The following SPIRE1 variants were observed in gnomAD, a reference collection of about 807,000 sequenced individuals.
The protein encoded by SPIRE1 is protein spire homolog 1.
SPIRE1 carries 40 observed loss-of-function variants against 94.1 expected under a neutral mutation model. The observed-to-expected ratio is 0.43, with a 90% CI of 0.33 to 0.55. SPIRE1 has a LOEUF of 0.55. Among genes scored for constraint, SPIRE1 ranks in the 20% least tolerant of loss-of-function variants. The pLI is 0.06. For synonymous variants in SPIRE1, 376 were observed against 371.7 expected, an observed-to-expected ratio of 1.01 and a Z score of -0.13; for missense variants, 838 against 975.2, an observed-to-expected ratio of 0.86 and a Z score of 1.87.
At chr18:12,573,325 G>C (rs376247825) in intron 2 of SPIRE1, among the ~76,000 whole-genome samples, 4 of 151,550 alleles carry the variant, frequency 2.6e-5, no homozygotes, top group South Asian at 4.2e-4. Context: ...TAAAATACTC[G>C]TAACACCAAA....
At chr18:12,476,535 T>G (rs1251118130) in intron 10 of SPIRE1, among the ~76,000 whole-genome samples, 10 of 80,172 alleles carry the variant, frequency 1.2e-4, no homozygotes, top group South Asian at 9.9e-4. Context: ...AGCGAGACTC[T>G]GTCTCCAAAA....
intron 2 of SPIRE1, among the ~76,000 whole-genome samples, chr18:12,619,419 A>C (rs2037400239): frequency 6.6e-6 from 1 of 152,048 alleles, no homozygotes; most frequent in South Asian, 2.1e-4. Flanking sequence ...GAGGCAGGAG[A>C]ATGGCGTGAA....
intron 2 of SPIRE1, among the ~76,000 whole-genome samples, chr18:12,633,369 G>A (rs1190462140): frequency 6.6e-6 from 1 of 152,130 alleles, no homozygotes; most frequent in Non-Finnish European, 1.5e-5. Flanking sequence ...CTGAGACCGG[G>A]AGTTTGAGAC....
chr18:12,563,206 T>TAA (rs57756554), intron 2 of SPIRE1, among the ~76,000 whole-genome samples: 125 of 146,686 alleles, frequency 8.5e-4, no homozygotes, highest in African/African-American at 2.2e-3. Flanking sequence ...CTATACTCAT[T>TAA]AAAAAAAAAA....
chr18:12,616,657 C>T (rs528304660), intron 2 of SPIRE1, among the ~76,000 whole-genome samples: 8 of 152,260 alleles, frequency 5.3e-5, no homozygotes, highest in East Asian at 3.8e-4. Flanking sequence ...AGTGGTAGTG[C>T]GAAGGCGGAG....
chr18:12,512,462 C>CTGG lies in SPIRE1; in HGVS notation c.798_799insCCA (p.Asn266_Ala267insPro). 6.2e-7 allele frequency: 1 copy of CTGG among 1,609,458 alleles called. No individual in the cohort carries two copies. Among genetic ancestry groups the CTGG allele is most frequent in the Non-Finnish European group, 8.5e-7 (1 of 1,176,290 alleles). On this transcript the variant is annotated inframe_insertion, in exon 5 of 17. Coordinates refer to ENST00000409402, the MANE Select transcript of SPIRE1 (RefSeq NM_001128626.2). The stretch of plus-strand genomic sequence containing the variant: ...GCATTTCCAGCTCTTACCCAGTCAG[C>CTGG]GTTTTTCAGCTCTTCCAAGTCTGTG...
chr18:12,535,621 A>G lies in SPIRE1; in HGVS notation c.604-20T>C, dbSNP rs569982513. 2.6e-5 allele frequency: 41 copies of G among 1,601,948 alleles called. 1 individual carries two copies. The South Asian group carries it at 4.1e-4, about 16-fold the overall frequency. ...ACACAACTATAGAAGGGGAAAATAA[A>G]ATAATGGTGCTTGGTTACTATTTGG... On this transcript the variant is annotated intron_variant, in intron 3 of 16. Coordinates refer to ENST00000409402, the MANE Select transcript of SPIRE1 (RefSeq NM_001128626.2).
chr18:12,519,284 G>A (rs2034290841), intron 4 of SPIRE1, among the ~76,000 whole-genome samples: 1 of 152,050 alleles, frequency 6.6e-6, no homozygotes, highest in Non-Finnish European at 1.5e-5. Context: ...TAGGTTCTAG[G>A]AAAGGAATTC....
At chr18:12,605,386 G>A (rs1332514598) in intron 2 of SPIRE1, among the ~76,000 whole-genome samples, 2 of 152,100 alleles carry the variant, frequency 1.3e-5, no homozygotes, top group Non-Finnish European at 2.9e-5. Context: ...CGCACCTGTA[G>A]TCCCAGCTAC....
chr18:12,642,542 T>C (rs2038114677), intron 1 of SPIRE1, among the ~76,000 whole-genome samples: 1 of 152,228 alleles, frequency 6.6e-6, no homozygotes, highest in African/African-American at 2.4e-5. Context: ...TTTTATGTAA[T>C]CTGGCAACAC....
intron 2 of SPIRE1, among the ~76,000 whole-genome samples, chr18:12,556,308 A>G (rs1189245709): frequency 1.3e-5 from 2 of 152,196 alleles, no homozygotes; most frequent in Admixed American, 6.5e-5. Context: ...GAAAAAAAAA[A>G]TCCTAAAATT....
At chr18:12,603,092 C>T (rs893639480) in intron 2 of SPIRE1, among the ~76,000 whole-genome samples, 4 of 152,164 alleles carry the variant, frequency 2.6e-5, no homozygotes, top group Non-Finnish European at 5.9e-5. Context: ...AGGTTCATAA[C>T]ACTTAAGTTA....
intron 4 of SPIRE1, among the ~76,000 whole-genome samples, chr18:12,524,510 CTT>C (rs2034446248): frequency 2.6e-5 from 4 of 152,194 alleles, no homozygotes; most frequent in Admixed American, 2.6e-4. Flanking sequence ...TCTAGGAAAA[CTT>C]TAGAAATATT....
chr18:12,526,988 G>A (rs577744976), intron 4 of SPIRE1, among the ~76,000 whole-genome samples: 169 of 152,298 alleles, frequency 1.1e-3, no homozygotes, highest in African/African-American at 3.9e-3. Flanking sequence ...GATTACAGGC[G>A]TGAGCTACTG....
chr18:12,495,063 A>C (rs1019448047), intron 7 of SPIRE1, among the ~76,000 whole-genome samples: 3 of 151,446 alleles, frequency 2.0e-5, no homozygotes, highest in Non-Finnish European at 4.4e-5. Context: ...AAAAAAAAAA[A>C]AAAACCCTCC....
chr18:12,551,986 C>T (rs1242700536), intron 2 of SPIRE1, among the ~76,000 whole-genome samples: 6 of 152,212 alleles, frequency 3.9e-5, no homozygotes, highest in Non-Finnish European at 8.8e-5. Flanking sequence ...AAAAGAAAAG[C>T]ACAGCAATTG....
intron 2 of SPIRE1, among the ~76,000 whole-genome samples, chr18:12,615,054 G>A (rs952632038): frequency 6.6e-6 from 1 of 151,394 alleles, no homozygotes; most frequent in African/African-American, 2.4e-5. Context: ...GCTCGGAGCG[G>A]TAGGTCATGC....
chr18:12,456,686 T>C (rs2031522087), intron 12 of SPIRE1, among the ~76,000 whole-genome samples: 1 of 152,212 alleles, frequency 6.6e-6, no homozygotes, highest in Non-Finnish European at 1.5e-5. Context: ...TGGTGATTTT[T>C]TTCATTTGTA....
chr18:12,631,477 C>T (rs1474096205), intron 2 of SPIRE1, among the ~76,000 whole-genome samples: 8 of 128,516 alleles, frequency 6.2e-5, no homozygotes, highest in Non-Finnish European at 1.2e-4. Context: ...TTTGGGAGGC[C>T]GAGGCATGAG....
Sources: allele counts gnomAD v4.1 joint callset (sites outside exome capture counted in the v4.1 genomes callset), GRCh38; gene constraint gnomAD v4.1.1; transcripts MANE v1.5; gene names NCBI Gene and HGNC (gene_info 2026-07-23, HGNC 2026-07-21).